GBA2: variants seen among roughly 807,000 people sequenced by gnomAD.
GBA2 encodes the protein glucosylceramidase beta 2.
Under a neutral mutation model 112.9 loss-of-function variants are expected in GBA2, and 79 were observed. The ratio of observed to expected loss-of-function variants is 0.70; its 90% CI spans 0.58 to 0.84. GBA2 has a LOEUF of 0.84. Among genes scored for constraint, GBA2 ranks in the 40% least tolerant of loss-of-function variants. The probability of loss-of-function intolerance (pLI) is 0.00; values close to 1 mark genes in which losing one functional copy is unlikely to be tolerated. For synonymous variants in GBA2, 403 were observed against 434.3 expected, an observed-to-expected ratio of 0.93 and a Z score of 0.90; for missense variants, 1,043 against 1,190.0, an observed-to-expected ratio of 0.88 and a Z score of 1.82.
chr9:35,744,347 A>G lies in GBA2; in HGVS notation c.517T>C (p.Trp173Arg), dbSNP rs1826865403. ...TRGWRGQFCRWQLNPGMYQHR... is the reference protein window; with the variant it reads ...TRGWRGQFCRRQLNPGMYQHR... ...TGATACATTCCAGGGTTAAGCTGCC[A>G]ACGACAGAACTGGCCTCTCCAGCCA... Residue 173 changes from tryptophan (W) to arginine (R), a missense_variant, in exon 3 of 17, where the codon TGG (tryptophan) becomes CGG (arginine). Transcript: ENST00000378103. 3.1e-6 allele frequency: 5 copies of G among 1,613,694 alleles called. No homozygotes were observed. The highest frequency in any genetic ancestry group is 3.4e-6 in the Non-Finnish European group (4 of 1,179,596).
Position 35,748,652 on chromosome 9 carries a change from T to C in GBA2, c.53A>G (p.Gln18Arg). ...TGGATCCTCTTTGGCACAGCTTATC[T>C]GCTCCGAGGCTGGGACGCCGGTTCC... ...NMGTGVPASEQISCAKEDPQV... is the reference protein window; with the variant it reads ...NMGTGVPASERISCAKEDPQV... The change falls in exon 1 of 17, where the codon CAG (glutamine) becomes CGG (arginine). Residue 18 changes from glutamine (Q) to arginine (R), a missense_variant. Gln to Arg is a conservative substitution (Grantham distance 43). Coordinates refer to ENST00000378103, the MANE Select transcript of GBA2 (RefSeq NM_020944.3). The C allele has an allele frequency of 6.2e-7, 1 of 1,602,038 alleles. No homozygotes were observed. Among genetic ancestry groups the C allele is most frequent in the East Asian group, 2.2e-5 (1 of 44,600 alleles).
Position 35,740,224 on chromosome 9 carries a change from C to T in GBA2, c.1268G>A (p.Gly423Asp), listed in dbSNP as rs753111236. ...DMPRIMFGAKGQVHYRRYTRF... is the reference protein window; with the variant it reads ...DMPRIMFGAKDQVHYRRYTRF... ...GTCCCCTCACCTGTAGTGGACTTGGCCTTTAGCTCCAAACATGATCCTGGG... is the reference window on the plus strand; with the variant it reads ...GTCCCCTCACCTGTAGTGGACTTGGTCTTTAGCTCCAAACATGATCCTGGG... The change falls in exon 7 of 17, where the codon GGC becomes GAC. Residue 423 changes from glycine to aspartate, a missense_variant. By Grantham distance (94) the Gly-to-Asp change is moderately conservative. Transcript: ENST00000378103. The surrounding 1 kb of genome is among the most constrained non-coding windows in gnomAD (Gnocchi z 4.7). 1 of 1,614,074 alleles carries T rather than the reference C, an allele frequency of 6.2e-7. No individual in the cohort carries two copies. The highest frequency in any genetic ancestry group is 1.1e-5 in the South Asian group (1 of 91,078).
At chr9:35,738,931 C>T in intron 11 of GBA2, 28 bp from the exon 12 acceptor site, 1 of 1,613,310 alleles carries the variant, frequency 6.2e-7, no homozygotes, top group African/African-American at 1.3e-5. Context: ...ACTTGGGTCA[C>T]TTGCATTGGT....
Position 35,746,363 on chromosome 9 carries a change from C to G in GBA2, c.360-1657G>C, listed in dbSNP as rs184359937. On this transcript the variant is annotated intron_variant, in intron 1 of 16. Transcript: ENST00000378103. This position sits in a 1 kb window ranked among gnomAD's most constrained non-coding sequence, Gnocchi z 5.2. Reference sequence around the variant, plus strand: ...CAGCACTTTGAGAGGCCGAGGTGGGCGGATCACGTGAGGTCAGGAGTTCAA... The same window carrying G: ...CAGCACTTTGAGAGGCCGAGGTGGGGGGATCACGTGAGGTCAGGAGTTCAA... Among the ~76,000 whole-genome samples the G allele has an allele frequency of 6.6e-6, 1 of 152,114 alleles. No individual in the cohort carries two copies. Among genetic ancestry groups the G allele is most frequent in the African/African-American group, 2.4e-5 (1 of 41,410 alleles).
At position 35,738,531 on chromosome 9, in the gene GBA2, G is replaced by A. The variant is rs1489290064; in HGVS notation, c.2049C>T (p.Gly683=). Reference sequence around the variant, plus strand: ...GGAAACCCCTACCCGCTAACCTGGGGCCTGTGGTCACCCATCCATCATAGG... The same window carrying A: ...GGAAACCCCTACCCGCTAACCTGGGACCTGTGGTCACCCATCCATCATAGG... The part of the protein sequence containing the change: ...DQTYDGWVTT[G]PSAYCGGLWL... The change falls in exon 13 of 17, where the codon GGC becomes GGT. Residue 683 remains glycine, a synonymous_variant. Transcript: ENST00000378103. The A allele has an allele frequency of 6.2e-7, 1 of 1,610,406 alleles. No homozygotes were observed. The highest frequency in any genetic ancestry group is 8.5e-7 in the Non-Finnish European group (1 of 1,176,674).
At chr9:35,738,477 G>T in intron 13 of GBA2, 49 bp downstream of exon 13, 1 of 1,584,556 alleles carries the variant, frequency 6.3e-7, no homozygotes, top group Non-Finnish European at 8.7e-7. Flanking sequence ...ACAATCCCTT[G>T]TTGCCCAGTT....
chr9:35,744,436 G>C, intron 2 of GBA2, 24 bp from the exon 3 acceptor site: 1 of 1,368,128 alleles, frequency 7.3e-7, no homozygotes. Flanking sequence ...GGTGGTTAGT[G>C]GGGTATTGGG....
Position 35,737,356 on chromosome 9 carries a change from T to C in GBA2, c.2597A>G (p.Tyr866Cys). 1.2e-6 allele frequency: 2 copies of C among 1,614,164 alleles called. No homozygotes were observed. The highest frequency in any genetic ancestry group is 1.7e-6 in the Non-Finnish European group (2 of 1,180,038). The change falls in exon 17 of 17, where the codon TAC becomes TGC. Residue 866 changes from tyrosine (Y) to cysteine (C), a missense_variant. Coordinates refer to ENST00000378103, the MANE Select transcript of GBA2 (RefSeq NM_020944.3). This position sits in a 1 kb window ranked among gnomAD's most constrained non-coding sequence, Gnocchi z 4.1. Reference protein sequence around the residue: ...LGLAFQTPEAYCQQRVFRSLA... With the variant: ...LGLAFQTPEACCQQRVFRSLA... ...TGAGCGGAACACTCGCTGCTGGCAGTATGCCTCTGGGGTCTGGAAGGCCAG... is the reference window on the plus strand; with the variant it reads ...TGAGCGGAACACTCGCTGCTGGCAGCATGCCTCTGGGGTCTGGAAGGCCAG...
At position 35,738,315 on chromosome 9, in the gene GBA2, A is replaced by C; in HGVS notation, c.2114T>G (p.Leu705Arg). 1 of 1,614,168 alleles carries C rather than the reference A, an allele frequency of 6.2e-7. No individual in the cohort carries two copies. Residue 705 changes from leucine (L) to arginine (R), a missense_variant, in exon 14 of 17, where the codon CTG becomes CGG. By Grantham distance (102) the Leu-to-Arg change is moderately radical. Transcript: ENST00000378103. ...ATCCTGGATGTCCTGTGCCCCACACAGAGCAGCCATCTGGACCATCACAGC... is the reference window on the plus strand; with the variant it reads ...ATCCTGGATGTCCTGTGCCCCACACCGAGCAGCCATCTGGACCATCACAGC... ...AVAVMVQMAA[L>R]CGAQDIQDKF...
intron 3 of GBA2, 21 bp downstream of exon 3, chr9:35,744,276 T>C: frequency 1.4e-6 from 2 of 1,404,772 alleles, no homozygotes; most frequent in Non-Finnish European, 2.0e-6. Context: ...TGTCCTGGCC[T>C]CTCCACCTCC....
intron 8 of GBA2, 29 bp downstream of exon 8, chr9:35,739,969 G>A: frequency 1.2e-6 from 2 of 1,613,110 alleles, no homozygotes; most frequent in Non-Finnish European, 1.7e-6. Flanking sequence ...GTGCCCAGGA[G>A]AAAGGCAAGA....
Position 35,744,640 on chromosome 9 carries a change from A to T in GBA2, c.426T>A (p.Asn142Lys). Residue 142 changes from asparagine (N) to lysine (K), a missense_variant, in exon 2 of 17, where the codon AAT (asparagine) becomes AAA (lysine). Asn to Lys is a moderately conservative substitution (Grantham distance 94). Coordinates refer to ENST00000378103, the MANE Select transcript of GBA2 (RefSeq NM_020944.3). ...EKKTPFIDMI[N>K]SVPLRQIYGC... ...CATAAATCTGTCTTAGGGGTACAGA[A>T]TTGATCATGTCGATGAAAGGTGTCT... The T allele has an allele frequency of 1.2e-6, 2 of 1,607,572 alleles. No individual in the cohort carries two copies. Among genetic ancestry groups the T allele is most frequent in the Non-Finnish European group, 1.7e-6 (2 of 1,174,002 alleles).
At position 35,749,204 on chromosome 9, in the gene GBA2, G is replaced by A; in HGVS notation, c.-500C>T. On this transcript the variant is annotated 5_prime_UTR_variant, in exon 1 of 17. Coordinates refer to ENST00000378103, the MANE Select transcript of GBA2 (RefSeq NM_020944.3). This position sits in a 1 kb window ranked among gnomAD's most constrained non-coding sequence, Gnocchi z 4.4. ...CGTGGGAAGGTGACCCTGGGCGCCG[G>A]GATGACCCGAGCCCTTTCCGGTCTG... 2.5e-6 allele frequency: 1 copy of A among 402,812 alleles called. No homozygotes were observed. Among genetic ancestry groups the A allele is most frequent in the Non-Finnish European group, 4.9e-6 (1 of 202,130 alleles). 25.0% of individuals were successfully genotyped at this position (402,812 alleles called of 1,614,324 possible).
At position 35,748,439 on chromosome 9, in the gene GBA2, C is replaced by G. The variant is rs143885818; in HGVS notation, c.266G>C (p.Cys89Ser). The stretch of plus-strand genomic sequence containing the variant: ...CTTCTCTGTAAACTCATGAGCCAGA[C>G]AGATGCGCCAGCCAAAGGGAGGCAC... The part of the protein sequence containing the change: ...YQVPPFGWRI[C>S]LAHEFTEKRK... Residue 89 changes from cysteine (C) to serine (S), a missense_variant, in exon 1 of 17, where the codon TGT (cysteine) becomes TCT (serine). Transcript: ENST00000378103. The G allele has an allele frequency of 6.1e-5, 99 of 1,614,206 alleles. 2 individuals carry two copies. The Middle Eastern group carries it at 1.2e-3, about 19-fold the overall frequency.
rs398123013 is a variant in GBA2 at position 35,741,758 on chromosome 9, G to A, written c.700C>T (p.Arg234Ter). ...YFAFYHALYP[R>*]AWTVYQLPGQ... ...GGAAGCTGATAGACAGTCCAGGCTC[G>A]GGGATAGAGGGCATGGTAGAAAGCA... The change falls in exon 4 of 17, where the codon CGA becomes TGA. Residue 234 changes from arginine to a stop codon, truncating the protein, a stop_gained. Transcript: ENST00000378103. LOFTEE classifies it high-confidence loss of function. This position sits in a 1 kb window ranked among gnomAD's most constrained non-coding sequence, Gnocchi z 4.6. The A allele has an allele frequency of 2.6e-5, 42 of 1,613,832 alleles. No homozygotes were observed. Among genetic ancestry groups the A allele is most frequent in the Admixed American group, 3.3e-5 (2 of 60,004 alleles).
In GBA2 at chr9:35,748,580, A is replaced by G. The variant is rs1337733550; in HGVS notation, c.125T>C (p.Val42Ala). The G allele has an allele frequency of 6.2e-7, 1 of 1,614,046 alleles. No homozygotes were observed. The highest frequency in any genetic ancestry group is 1.3e-5 in the African/African-American group (1 of 75,030). ...EETGGTKDVQ[V>A]TDCKSPEDSR... ...GTCTTCGGGACTCTTACAGTCTGTA[A>G]CCTGCACATCCTTGGTGCCGCCAGT... is the stretch of plus-strand genomic sequence containing the variant. Residue 42 changes from valine to alanine, a missense_variant, in exon 1 of 17, where the codon GTT becomes GCT. Coordinates refer to ENST00000378103, the MANE Select transcript of GBA2 (RefSeq NM_020944.3).
Position 35,740,786 on chromosome 9 carries a change from G to T in GBA2, c.1026+39C>A. 6.2e-7 allele frequency: 1 copy of T among 1,608,702 alleles called. No individual in the cohort carries two copies. Among genetic ancestry groups the T allele is most frequent in the Non-Finnish European group, 8.5e-7 (1 of 1,175,898 alleles). On this transcript the variant is annotated intron_variant, in intron 5 of 16. Transcript: ENST00000378103. The surrounding 1 kb of genome is among the most constrained non-coding windows in gnomAD (Gnocchi z 4.7). Reference sequence around the variant, plus strand: ...AGAGACCATGCTGGGGTGGAGGTGGGGTTCAGGGGCTAAGGTATAGGGCAG... The same window carrying T: ...AGAGACCATGCTGGGGTGGAGGTGGTGTTCAGGGGCTAAGGTATAGGGCAG...
rs1187072112 is a variant in GBA2 at position 35,748,776 on chromosome 9, C to T, written c.-72G>A. On this transcript the variant is annotated 5_prime_UTR_variant, in exon 1 of 17. Transcript: ENST00000378103. ...GCCAGCCTATTCCAGATGCGGGCGC[C>T]GGTCGTTGTTAGGTATCGTCCCGGA... 2.1e-6 allele frequency: 2 copies of T among 970,372 alleles called. No homozygotes were observed. Among genetic ancestry groups the T allele is most frequent in the Non-Finnish European group, 1.5e-6 (1 of 654,908 alleles). The allele number at this position is 970,372 out of a possible 1,614,324, so 60.1% of individuals were successfully genotyped here. A position where few individuals can be genotyped will look rare whatever the true frequency, so the allele number is the denominator to read the frequency against.
In GBA2 at chr9:35,740,638, G is replaced by T; in HGVS notation, c.1027-10C>A. ...TTACCGTGGTAGCTGCCTGTGAAGG[G>T]GTCAGGGACTGTGAGGGCAGGCTCC... On this transcript the variant is annotated splice_polypyrimidine_tract_variant and intron_variant, in intron 5 of 16. Coordinates refer to ENST00000378103, the MANE Select transcript of GBA2 (RefSeq NM_020944.3). This position sits in a 1 kb window ranked among gnomAD's most constrained non-coding sequence, Gnocchi z 4.7. 6.2e-7 allele frequency: 1 copy of T among 1,602,058 alleles called. No homozygotes were observed. The highest frequency in any genetic ancestry group is 8.6e-7 in the Non-Finnish European group (1 of 1,169,046).
Sources: gnomAD v4.1 joint callset for allele counts (sites outside exome capture counted in the v4.1 genomes callset) on GRCh38, gnomAD v4.1.1 for gene constraint, Gnocchi (gnomAD v3.1) non-coding constraint, MANE v1.5 for transcripts, NCBI Gene and HGNC (gene_info 2026-07-23, HGNC 2026-07-21) for gene names.